The following NEBL variants were observed in gnomAD, a reference collection of about 807,000 sequenced individuals.
The protein encoded by NEBL is nebulette, also known as LIM and SH3 protein 2.
Under a neutral mutation model 140.2 loss-of-function variants are expected in NEBL, and 122 were observed. The observed-to-expected ratio is 0.87, with a 90% CI of 0.75 to 1.01. The LOEUF is 1.01. Ranked by LOEUF, NEBL falls within the 50% of genes least tolerant of loss-of-function variation. The probability of loss-of-function intolerance (pLI) is 0.00; values close to 1 mark genes in which losing one functional copy is unlikely to be tolerated. For synonymous variants in NEBL, 436 were observed against 398.9 expected, an observed-to-expected ratio of 1.09 and a Z score of -1.11; for missense variants, 1,365 against 1,231.3, an observed-to-expected ratio of 1.11 and a Z score of -1.62.
chr10:20,952,040 C>T (rs1173949876), intron 4 of NEBL, among the ~76,000 whole-genome samples: 1 of 152,122 alleles, frequency 6.6e-6, no homozygotes, highest in Admixed American at 6.5e-5. Context: ...CATAATTCAA[C>T]CAAGATCTGG....
intron 3 of NEBL, among the ~76,000 whole-genome samples, chr10:21,015,819 T>G (rs992857586): frequency 6.6e-5 from 10 of 152,328 alleles, no homozygotes; most frequent in African/African-American, 2.4e-4. Flanking sequence ...GGCTAGAAAT[T>G]TCTTTTTTAA....
intron 16 of NEBL, among the ~76,000 whole-genome samples, chr10:20,830,248 G>A (rs1345534563): frequency 6.6e-6 from 1 of 152,190 alleles, no homozygotes. Context: ...ACCAAATGTT[G>A]TTACACAATC....
At chr10:20,898,624 T>A (rs1218928124), upstream of NEBL, among the ~76,000 whole-genome samples, 2 of 152,060 alleles carry the variant, frequency 1.3e-5, no homozygotes, top group Non-Finnish European at 2.9e-5. Context: ...TGTACCCCAG[T>A]CTCTGTCCCT....
chr10:20,997,615 G>C (rs763979332), intron 3 of NEBL, among the ~76,000 whole-genome samples: 35 of 146,248 alleles, frequency 2.4e-4, no homozygotes, highest in Non-Finnish European at 3.7e-4. Flanking sequence ...TCATTACACA[G>C]AAAAGCAAAT....
intron 2 of NEBL, among the ~76,000 whole-genome samples, chr10:21,076,296 T>G (rs1836072583): frequency 6.6e-6 from 1 of 151,192 alleles, no homozygotes; most frequent in Non-Finnish European, 1.5e-5. Flanking sequence ...TACAAAAAAA[T>G]TAGCCAGGCA....
At chr10:21,278,219 T>C (rs2132295403) in intron 1 of NEBL, among the ~76,000 whole-genome samples, 1 of 152,134 alleles carries the variant, frequency 6.6e-6, no homozygotes, top group Admixed American at 6.5e-5. Context: ...GGCGGGAGAA[T>C]TGCTTGAGCC....
At position 20,831,315 on chromosome 10, in the gene NEBL, A is replaced by G. The variant is rs1355680950; in HGVS notation, c.1561-9T>C. 1 of 1,593,584 alleles carries G rather than the reference A, an allele frequency of 6.3e-7. No homozygotes were observed. The highest frequency in any genetic ancestry group is 1.1e-5 in the South Asian group (1 of 90,680). ...TCCTTCTTGTATTGTTTCTAAAAGA[A>G]CAGAAAATAATCTTAGAGCTTTGCT... On this transcript the variant is annotated splice_polypyrimidine_tract_variant and intron_variant, in intron 15 of 27. Coordinates refer to ENST00000377122, the MANE Select transcript of NEBL (RefSeq NM_006393.3).
intron 13 of NEBL, among the ~76,000 whole-genome samples, chr10:20,838,467 A>G (rs1841105554): frequency 6.6e-6 from 1 of 152,226 alleles, no homozygotes; most frequent in Non-Finnish European, 1.5e-5. Flanking sequence ...GGACAAGCAA[A>G]GAATGTGGTT....
chr10:21,005,517 T>C (rs1229511032), intron 3 of NEBL, among the ~76,000 whole-genome samples: 1 of 151,718 alleles, frequency 6.6e-6, no homozygotes, highest in Non-Finnish European at 1.5e-5. Context: ...GGGGGATCGC[T>C]TGAGCCCAAG....
intron 3 of NEBL, among the ~76,000 whole-genome samples, chr10:21,192,249 T>C (rs552976378): frequency 6.6e-6 from 1 of 151,844 alleles, no homozygotes; most frequent in South Asian, 2.1e-4. Flanking sequence ...TGGGGTGCAG[T>C]GGCACGATCT....
chr10:20,815,656 C>T lies in NEBL; in HGVS notation c.2210G>A (p.Arg737Lys), dbSNP rs1838651800. 3.1e-6 allele frequency: 5 copies of T among 1,612,776 alleles called. No homozygotes were observed. Among genetic ancestry groups the T allele is most frequent in the Non-Finnish European group, 4.2e-6 (5 of 1,178,846 alleles). The change falls in exon 22 of 28, where the codon AGA becomes AAA. Residue 737 changes from arginine to lysine, a missense_variant. Transcript: ENST00000377122. ...TTLSVTPEME[R>K]VKKNQENISS... ...AATATTTTCTTGATTCTTCTTCACT[C>T]TTTCCATTTCAGGAGTTACACTTAA...
chr10:21,032,443 C>G (rs1224047937), intron 2 of NEBL, among the ~76,000 whole-genome samples: 1 of 152,126 alleles, frequency 6.6e-6, no homozygotes, highest in African/African-American at 2.4e-5. Context: ...AGTGTTGATG[C>G]GATGTCTATT....
chr10:21,186,747 G>T (rs1841477871), intron 3 of NEBL, among the ~76,000 whole-genome samples: 1 of 151,230 alleles, frequency 6.6e-6, no homozygotes, highest in Admixed American at 6.6e-5. Context: ...CTTCCATTGT[G>T]GCCCAGGGAA....
chr10:20,815,549 C>T, intron 22 of NEBL, 76 bp downstream of exon 22: 1 of 1,164,004 alleles, frequency 8.6e-7, no homozygotes, highest in Admixed American at 1.7e-5. Context: ...TTTATTTTCA[C>T]AAGCAAAGGA....
At chr10:20,979,746 A>G (rs1836956579) in intron 3 of NEBL, among the ~76,000 whole-genome samples, 1 of 152,130 alleles carries the variant, frequency 6.6e-6, no homozygotes, top group South Asian at 2.1e-4. Flanking sequence ...TCACTCTGTC[A>G]CCTGCGCTGG....
At chr10:20,934,612 C>T (rs1168983050) in intron 4 of NEBL, among the ~76,000 whole-genome samples, 2 of 152,104 alleles carry the variant, frequency 1.3e-5, no homozygotes, top group Non-Finnish European at 2.9e-5. Context: ...GTGGAGAATG[C>T]CATGGCCCCA....
chr10:20,961,037 G>A (rs1656801351), intron 4 of NEBL, among the ~76,000 whole-genome samples: 1 of 151,994 alleles, frequency 6.6e-6, no homozygotes, highest in Middle Eastern at 3.2e-3. Flanking sequence ...GTAATATTTT[G>A]GAAGAAACAT....
Position 21,102,145 on chromosome 10 carries a change from TACC to T in NEBL, c.164+70235_164+70237del, listed in dbSNP as rs570183383. On this transcript the variant is annotated intron_variant, in intron 2 of 6. Transcript: ENST00000417816. ...CATCTGCTCTAAATGTCCAGACTTCTACCACAACTGTTAATAAGCTACTTAAAT... is the reference window on the plus strand; with the variant it reads ...CATCTGCTCTAAATGTCCAGACTTCTACAACTGTTAATAAGCTACTTAAAT... Among the ~76,000 whole-genome samples, 9 of 152,360 alleles carry T rather than the reference TACC, an allele frequency of 5.9e-5. 1 individual carries two copies. In the South Asian group the frequency reaches 1.7e-3, roughly 28 times the overall value.
At chr10:21,073,488 G>A (rs1227160990) in intron 2 of NEBL, among the ~76,000 whole-genome samples, 3 of 151,698 alleles carry the variant, frequency 2.0e-5, no homozygotes, top group East Asian at 2.0e-4. Flanking sequence ...TTGGTGGCAC[G>A]CACTTGTAAT....
Sources: gnomAD v4.1 joint callset for allele counts (sites outside exome capture counted in the v4.1 genomes callset) on GRCh38, gnomAD v4.1.1 for gene constraint, MANE v1.5 for transcripts, NCBI Gene and HGNC (gene_info 2026-07-23, HGNC 2026-07-21) for gene names.